HSPA4: variants seen among roughly 807,000 people sequenced by gnomAD.
HSPA4 encodes the protein heat shock 70 kDa protein 4.
Under a neutral mutation model 106.2 loss-of-function variants are expected in HSPA4, and 25 were observed. The ratio of observed to expected loss-of-function variants is 0.24; its 90% CI spans 0.17 to 0.33. The LOEUF (loss-of-function observed/expected upper bound fraction) is 0.33, where lower values mean the gene tolerates loss of function less well. Among genes scored for constraint, HSPA4 ranks in the 10% least tolerant of loss-of-function variants. The pLI is 1.00. For synonymous variants in HSPA4, 332 were observed against 333.6 expected (o/e 1.00, Z 0.05); for missense variants, 841 against 996.0 (o/e 0.84, Z 2.10).
At chr5:133,079,709 A>G (rs773143344) in intron 7 of HSPA4, among the ~76,000 whole-genome samples, 1 of 152,218 alleles carries the variant, frequency 6.6e-6, no homozygotes, top group Non-Finnish European at 1.5e-5. Flanking sequence ...TATATTTCTC[A>G]GTGATTATCC....
At chr5:133,067,658 T>C in intron 3 of HSPA4, 101 bp downstream of exon 3, 1 of 997,842 alleles carries the variant, frequency 1.0e-6, no homozygotes, top group East Asian at 2.6e-5. Flanking sequence ...GCAATGAAAA[T>C]GCTTACAGTT....
At chr5:133,068,024 C>G (rs914158430) in intron 3 of HSPA4, among the ~76,000 whole-genome samples, 1 of 151,824 alleles carries the variant, frequency 6.6e-6, no homozygotes, top group Non-Finnish European at 1.5e-5. Context: ...TACCAAGTAG[C>G]TGGGATTACA....
At chr5:133,052,488 C>G (rs1176113943) in intron 1 of HSPA4, 131 bp downstream of exon 1, 1 of 617,686 alleles carries the variant, frequency 1.6e-6, no homozygotes, top group Non-Finnish European at 2.8e-6. Flanking sequence ...CCCGGTAGGT[C>G]AGGGACCCCC....
intron 13 of HSPA4, among the ~76,000 whole-genome samples, chr5:133,095,260 C>T (rs1765696311): frequency 6.6e-6 from 1 of 152,118 alleles, no homozygotes; most frequent in Admixed American, 6.5e-5. Flanking sequence ...TCAGATTGTG[C>T]CATTGCACTC....
chr5:133,055,413 G>A (rs1276389654), intron 1 of HSPA4, among the ~76,000 whole-genome samples: 1 of 144,662 alleles, frequency 6.9e-6, no homozygotes, highest in African/African-American at 2.5e-5. Context: ...GTTTTAACAT[G>A]AGAGTGGAAA....
intron 1 of HSPA4, among the ~76,000 whole-genome samples, chr5:133,058,329 C>T (rs906468062): frequency 6.6e-6 from 1 of 152,050 alleles, no homozygotes; most frequent in Non-Finnish European, 1.5e-5. Context: ...TGCAGTGAGC[C>T]GTGATTGAGT....
At chr5:133,070,858 T>C (rs998437895) in intron 4 of HSPA4, among the ~76,000 whole-genome samples, 2 of 152,182 alleles carry the variant, frequency 1.3e-5, no homozygotes, top group Non-Finnish European at 2.9e-5. Context: ...GCCGAGATCA[T>C]GCCATTGCAC....
intron 7 of HSPA4, among the ~76,000 whole-genome samples, chr5:133,078,761 T>C (rs561922395): frequency 3.0e-4 from 45 of 152,216 alleles, no homozygotes; most frequent in Non-Finnish European, 4.6e-4. Context: ...TGAGACAGGA[T>C]CTTACTCTGT....
At chr5:133,059,370 C>A (rs1371903946) in intron 1 of HSPA4, among the ~76,000 whole-genome samples, 1 of 150,168 alleles carries the variant, frequency 6.7e-6, no homozygotes, top group Admixed American at 6.6e-5. Context: ...ATCACTTGAA[C>A]CCGGGAGGCA....
intron 12 of HSPA4, among the ~76,000 whole-genome samples, chr5:133,091,888 A>G (rs560354807): frequency 2.0e-5 from 3 of 152,034 alleles, no homozygotes; most frequent in East Asian, 1.9e-4. Flanking sequence ...AACAACAACA[A>G]CAACAAAAAA....
chr5:133,094,108 T>A (rs1765682713), intron 13 of HSPA4, among the ~76,000 whole-genome samples: 1 of 152,224 alleles, frequency 6.6e-6, no homozygotes, highest in Non-Finnish European at 1.5e-5. Flanking sequence ...TTATTTTAAA[T>A]AATGGAATAA....
intron 1 of HSPA4, among the ~76,000 whole-genome samples, chr5:133,058,501 A>C (rs576354687): frequency 6.6e-6 from 1 of 152,052 alleles, no homozygotes; most frequent in African/African-American, 2.4e-5. Context: ...AACCCGGTGA[A>C]ACCTTGTCTC....
chr5:133,067,742 TG>T (rs1476725927), intron 3 of HSPA4, among the ~76,000 whole-genome samples, 185 bp downstream of exon 3: 4 of 152,166 alleles, frequency 2.6e-5, no homozygotes, highest in Admixed American at 6.5e-5. Context: ...TTGGGAGCCA[TG>T]AGTGGTGCTC....
In HSPA4 at chr5:133,101,839, C is replaced by T. The variant is rs1131809; in HGVS notation, c.2118C>T (p.Ile706=). 0.22 allele frequency: 354,493 copies of T among 1,588,904 alleles called. 41,072 individuals carry two copies. The highest frequency in any genetic ancestry group is 0.26 in the South Asian group (23,208 of 89,346). The part of the protein sequence containing the change: ...PKLFEELGKQ[I]QQYMKIISSF... The stretch of plus-strand genomic sequence containing the variant: ...TATTTGAAGAACTAGGGAAACAGAT[C>T]CAACAGTATATGAAAATAATCAGCT... The change falls in exon 17 of 19, where the codon ATC becomes ATT. Residue 706 remains isoleucine (I), a synonymous_variant. Coordinates refer to ENST00000304858, the MANE Select transcript of HSPA4 (RefSeq NM_002154.4).
chr5:133,094,105 A>G (rs1765682634), intron 13 of HSPA4, among the ~76,000 whole-genome samples: 1 of 152,214 alleles, frequency 6.6e-6, no homozygotes, highest in African/African-American at 2.4e-5. Context: ...AAGTTATTTT[A>G]AATAATGGAA....
At position 133,096,178 on chromosome 5, in the gene HSPA4, G is replaced by A. The variant is rs1322962945; in HGVS notation, c.1731G>A (p.Val577=). ...AKKAKVKTST[V]DLPIENQLLW... ...AGGCAAAAGTGAAGACCAGTACTGT[G>A]GACCTGCCAATCGAGAATCAGCTAT... The change falls in exon 14 of 19, where the codon GTG becomes GTA. Residue 577 remains valine, a synonymous_variant. Transcript: ENST00000304858. 25 of 1,613,754 alleles carry A rather than the reference G, an allele frequency of 1.5e-5. No homozygotes were observed. In the Admixed American group the frequency reaches 4.0e-4, roughly 26 times the overall value.
At chr5:133,055,307 A>AT (rs397999293) in intron 1 of HSPA4, among the ~76,000 whole-genome samples, 2,493 of 60,086 alleles carry the variant, frequency 0.041, 385 homozygotes, top group Non-Finnish European at 0.051. Flanking sequence ...AGGAAGGTTG[A>AT]TTTTTTTTTT....
In HSPA4 at chr5:133,068,122, G is replaced by A. The variant is rs564739153; in HGVS notation, c.306+565G>A. Among the ~76,000 whole-genome samples the A allele has an allele frequency of 1.1e-4, 17 of 152,144 alleles. No homozygotes were observed. The South Asian group carries it at 3.3e-3, about 30-fold the overall frequency. ...TTGGCCAGGTTGGTCTCGAACTCCT[G>A]ACCTTGTGATTCCCCTGCCTCAGCC... is the stretch of plus-strand genomic sequence containing the variant. On this transcript the variant is annotated intron_variant, in intron 3 of 18. Coordinates refer to ENST00000304858, the MANE Select transcript of HSPA4 (RefSeq NM_002154.4).
intron 1 of HSPA4, among the ~76,000 whole-genome samples, chr5:133,059,043 G>A (rs1326077317): frequency 6.7e-6 from 1 of 149,966 alleles, no homozygotes; most frequent in African/African-American, 2.5e-5. Context: ...CAGGAGAATT[G>A]CTTGAATCCA....
Sources: gnomAD v4.1 joint callset for allele counts (sites outside exome capture counted in the v4.1 genomes callset) on GRCh38, gnomAD v4.1.1 for gene constraint, MANE v1.5 for transcripts, NCBI Gene and HGNC (gene_info 2026-07-23, HGNC 2026-07-21) for gene names.